ZMAT5: variants seen among roughly 807,000 people sequenced by gnomAD.
ZMAT5 encodes the protein zinc finger matrin-type protein 5.
ZMAT5 carries 23 observed loss-of-function variants against 28.0 expected under a neutral mutation model. The ratio of observed to expected loss-of-function variants is 0.82; its 90% CI spans 0.59 to 1.16. ZMAT5 has a LOEUF of 1.16. Ranked by LOEUF, ZMAT5 falls within the 50% of genes most tolerant of loss-of-function variation. The pLI, the probability that ZMAT5 is intolerant of heterozygous loss-of-function variation, is 0.00. For missense variants in ZMAT5, 173 were observed against 212.7 expected, an observed-to-expected ratio of 0.81 and a Z score of 1.16; for synonymous variants, 76 against 84.1, an observed-to-expected ratio of 0.90 and a Z score of 0.52.
intron 2 of ZMAT5, chr22:29,747,944 TG>T (rs1439130507): frequency 4.1e-6 from 1 of 246,674 alleles, no homozygotes. Context: ...TCTCTGCCCT[TG>T]GAACAGGGAC....
intron 1 of ZMAT5, among the ~76,000 whole-genome samples, chr22:29,765,812 A>G (rs5997518): frequency 0.12 from 18,885 of 152,126 alleles, 2,058 homozygotes; most frequent in African/African-American, 0.29. Context: ...AGGTTGCAGT[A>G]AGCCGAGATA....
intron 4 of ZMAT5, 132 bp downstream of exon 4, chr22:29,740,518 C>T: frequency 3.3e-6 from 3 of 915,920 alleles, no homozygotes; most frequent in Non-Finnish European, 5.0e-6. Flanking sequence ...GCTCAGGGCT[C>T]CGCATCACCC....
chr22:29,749,194 C>T (rs2068035959), intron 1 of ZMAT5, among the ~76,000 whole-genome samples: 1 of 152,112 alleles, frequency 6.6e-6, no homozygotes, highest in African/African-American at 2.4e-5. Flanking sequence ...CCTCCCACCT[C>T]AGTCTCCCAA....
intron 1 of ZMAT5, among the ~76,000 whole-genome samples, chr22:29,755,897 C>T (rs373135753): frequency 1.3e-5 from 2 of 152,244 alleles, no homozygotes; most frequent in African/African-American, 2.4e-5. Flanking sequence ...AGAGCTGGCA[C>T]GCACACTTGG....
At chr22:29,751,022 T>C (rs1454457611) in intron 1 of ZMAT5, among the ~76,000 whole-genome samples, 1 of 152,190 alleles carries the variant, frequency 6.6e-6, no homozygotes, top group Non-Finnish European at 1.5e-5. Context: ...TATATTAAAT[T>C]TGGCAGCTCT....
intron 1 of ZMAT5, among the ~76,000 whole-genome samples, chr22:29,749,225 G>T (rs1051757492): frequency 6.6e-6 from 1 of 151,996 alleles, no homozygotes; most frequent in East Asian, 1.9e-4. Flanking sequence ...CTACAGGTGC[G>T]TGTCATCATT....
chr22:29,748,261 G>A, intron 2 of ZMAT5, 157 bp downstream of exon 2: 1 of 1,014,090 alleles, frequency 9.9e-7, no homozygotes. Flanking sequence ...TCACCTACCA[G>A]CCTGCTCCTC....
At chr22:29,748,730 C>T (rs1217511488) in intron 1 of ZMAT5, among the ~76,000 whole-genome samples, 159 bp from the exon 2 acceptor site, 4 of 152,272 alleles carry the variant, frequency 2.6e-5, no homozygotes, top group African/African-American at 7.2e-5. Context: ...CCTAAGAGGC[C>T]TCATTCCAGA....
chr22:29,755,542 C>T (rs1228094663), intron 1 of ZMAT5, among the ~76,000 whole-genome samples: 2 of 152,080 alleles, frequency 1.3e-5, no homozygotes, highest in East Asian at 3.9e-4. Context: ...GATTTGATTC[C>T]CGCTTGCTTG....
At chr22:29,735,339 G>GAGGCAGGAGGA (rs1263121851) in intron 5 of ZMAT5, among the ~76,000 whole-genome samples, 2 of 152,196 alleles carry the variant, frequency 1.3e-5, no homozygotes, top group Non-Finnish European at 2.9e-5. Flanking sequence ...AAGCCCTCAG[G>GAGGCAGGAGGA]AGGCAGGAGG....
intron 3 of ZMAT5, among the ~76,000 whole-genome samples, 190 bp downstream of exon 3, chr22:29,742,228 A>G (rs1040554971): frequency 6.6e-6 from 1 of 152,172 alleles, no homozygotes; most frequent in Admixed American, 6.5e-5. Flanking sequence ...TGAAGAGCTG[A>G]GGACCAGACT....
intron 4 of ZMAT5, among the ~76,000 whole-genome samples, chr22:29,739,723 C>T (rs1024682238): frequency 6.6e-6 from 1 of 152,266 alleles, no homozygotes; most frequent in Non-Finnish European, 1.5e-5. Flanking sequence ...GGAAGAGCTG[C>T]AGCTGCCGCT....
intron 5 of ZMAT5, among the ~76,000 whole-genome samples, chr22:29,735,753 A>T (rs2067898237): frequency 6.6e-6 from 1 of 152,204 alleles, no homozygotes; most frequent in African/African-American, 2.4e-5. Context: ...CACCAAACTC[A>T]ATTCTCATAT....
At chr22:29,741,301 A>T (rs1189461683) in intron 3 of ZMAT5, among the ~76,000 whole-genome samples, 1 of 152,208 alleles carries the variant, frequency 6.6e-6, no homozygotes, top group Non-Finnish European at 1.5e-5. Flanking sequence ...AGGTGTCTCA[A>T]GCCAGGATAA....
At chr22:29,743,360 G>A (rs986119327) in intron 2 of ZMAT5, among the ~76,000 whole-genome samples, 6 of 152,144 alleles carry the variant, frequency 3.9e-5, no homozygotes, top group South Asian at 2.1e-4. Context: ...CAGGACTTCC[G>A]ACAATCACTC....
chr22:29,735,117 G>A (rs2067892091), intron 5 of ZMAT5, among the ~76,000 whole-genome samples: 1 of 152,174 alleles, frequency 6.6e-6, no homozygotes, highest in Admixed American at 6.5e-5. Context: ...ATTAAGCAGG[G>A]TAGGGGGTGT....
intron 5 of ZMAT5, 59 bp downstream of exon 5, chr22:29,738,271 G>C: frequency 6.8e-7 from 1 of 1,479,900 alleles, no homozygotes; most frequent in Non-Finnish European, 9.3e-7. Flanking sequence ...GGAAGGGGAA[G>C]GCGGGCTGGG....
At chr22:29,739,128 C>G (rs1336549579) in intron 4 of ZMAT5, among the ~76,000 whole-genome samples, 1 of 152,206 alleles carries the variant, frequency 6.6e-6, no homozygotes, top group African/African-American at 2.4e-5. Context: ...CCTGCCGGGT[C>G]TTTGACCCTG....
chr22:29,757,742 G>C (rs2068116370), intron 1 of ZMAT5, among the ~76,000 whole-genome samples: 1 of 152,182 alleles, frequency 6.6e-6, no homozygotes, highest in Non-Finnish European at 1.5e-5. Flanking sequence ...TGCAGGGAGG[G>C]CATGGTGGCT....
Sources: gnomAD v4.1 joint callset for allele counts (sites outside exome capture counted in the v4.1 genomes callset) on GRCh38, gnomAD v4.1.1 for gene constraint, MANE v1.5 for transcripts, NCBI Gene and HGNC (gene_info 2026-07-23, HGNC 2026-07-21) for gene names.